Variants in ST6GALNAC5 observed in about 807,000 individuals in gnomAD.
ST6GALNAC5 encodes alpha-N-acetylgalactosaminide alpha-2,6-sialyltransferase 5.
A neutral mutation model predicts 33.6 loss-of-function variants in ST6GALNAC5; 27 were observed. The ratio of observed to expected loss-of-function variants is 0.80; its 90% CI spans 0.59 to 1.11. The LOEUF is 1.11. Among genes scored for constraint, ST6GALNAC5 ranks in the 50% least tolerant of loss-of-function variants. The pLI, the probability that ST6GALNAC5 is intolerant of heterozygous loss-of-function variation, is 0.00. For missense variants in ST6GALNAC5, 428 were observed against 454.0 expected (o/e 0.94, Z 0.52); for synonymous variants, 194 against 171.2 (o/e 1.13, Z -1.04).
Position 77,067,178 on chromosome 1 carries a change from C to A in ST6GALNAC5, c.*3972C>A, listed in dbSNP as rs1014599241. 6.6e-6 allele frequency among the ~76,000 whole-genome samples: 1 copy of A among 152,034 alleles called. No homozygotes were observed. Among genetic ancestry groups the A allele is most frequent in the African/African-American group, 2.4e-5 (1 of 41,380 alleles). ...AGCCCTGGGGGGCAGGATGTGTGAA[C>A]CAATTGCCTAGGTGTTAGCACATGC... is the stretch of plus-strand genomic sequence containing the variant. On this transcript the variant is annotated 3_prime_UTR_variant, in exon 5 of 5. Transcript: ENST00000477717.
At chr1:76,972,212 G>A (rs191329697) in intron 2 of ST6GALNAC5, among the ~76,000 whole-genome samples, 19 of 152,266 alleles carry the variant, frequency 1.2e-4, no homozygotes, top group East Asian at 1.2e-3. Context: ...AGAAGAGAGC[G>A]TGTGCAGGGG....
At chr1:76,874,433 T>C (rs964891202) in intron 2 of ST6GALNAC5, among the ~76,000 whole-genome samples, 3 of 152,170 alleles carry the variant, frequency 2.0e-5, no homozygotes, top group African/African-American at 7.2e-5. Context: ...TAGGATATTA[T>C]ATTATATATA....
At chr1:76,945,952 G>A (rs1318556458) in intron 2 of ST6GALNAC5, among the ~76,000 whole-genome samples, 2 of 152,108 alleles carry the variant, frequency 1.3e-5, no homozygotes, top group African/African-American at 4.8e-5. Flanking sequence ...ATGAGGCTAA[G>A]AGAAACCTTG....
At chr1:76,978,312 C>T (rs561331200) in intron 2 of ST6GALNAC5, among the ~76,000 whole-genome samples, 187 of 152,214 alleles carry the variant, frequency 1.2e-3, no homozygotes, top group Non-Finnish European at 2.2e-3. Context: ...TGTACAGAAG[C>T]TCTTTAGTTT....
intron 2 of ST6GALNAC5, among the ~76,000 whole-genome samples, chr1:76,928,231 G>A (rs927906790): frequency 3.3e-5 from 5 of 152,074 alleles, no homozygotes; most frequent in Non-Finnish European, 7.4e-5. Flanking sequence ...AGAACATAAA[G>A]GTCGACAGCT....
chr1:77,038,911 G>A (rs796851832), intron 2 of ST6GALNAC5, among the ~76,000 whole-genome samples: 7 of 152,320 alleles, frequency 4.6e-5, no homozygotes, highest in African/African-American at 1.7e-4. Flanking sequence ...GTGGGCAGGG[G>A]TGATGGAAGG....
At chr1:77,016,883 C>A (rs1318302179) in intron 2 of ST6GALNAC5, among the ~76,000 whole-genome samples, 3 of 152,098 alleles carry the variant, frequency 2.0e-5, no homozygotes, top group African/African-American at 7.2e-5. Context: ...AAGTAATGTA[C>A]TCCTAATTAT....
chr1:77,007,274 G>A (rs1158286111), intron 2 of ST6GALNAC5, among the ~76,000 whole-genome samples: 3 of 152,176 alleles, frequency 2.0e-5, no homozygotes, highest in African/African-American at 7.2e-5. Flanking sequence ...ATCTGTGAAT[G>A]GAGCATAATC....
In ST6GALNAC5 at chr1:77,044,458, C is replaced by T. The variant is rs1352937214; in HGVS notation, c.516C>T (p.Gly172=). ...AGGGCACCGTGTTCATCTTCTGGGG[C>T]CCCAGCAGCTACATGCGGCGGGACG... ...VSQGTVFIFW[G]PSSYMRRDGK... The change falls in exon 3 of 5, where the codon GGC becomes GGT. Residue 172 remains glycine (G), a synonymous_variant. Coordinates refer to ENST00000477717, the MANE Select transcript of ST6GALNAC5 (RefSeq NM_030965.3). The T allele has an allele frequency of 3.1e-6, 5 of 1,613,328 alleles. No homozygotes were observed. The highest frequency in any genetic ancestry group is 3.4e-6 in the Non-Finnish European group (4 of 1,179,644).
chr1:76,937,668 C>T (rs1331840082), intron 2 of ST6GALNAC5, among the ~76,000 whole-genome samples: 2 of 152,016 alleles, frequency 1.3e-5, no homozygotes, highest in African/African-American at 4.8e-5. Flanking sequence ...GATGTTAGGA[C>T]CGTGAGAAAA....
chr1:76,894,543 T>C (rs1319273097), intron 2 of ST6GALNAC5, among the ~76,000 whole-genome samples: 1 of 152,182 alleles, frequency 6.6e-6, no homozygotes, highest in South Asian at 2.1e-4. Flanking sequence ...CCTGAGGACT[T>C]GATAGGCACC....
chr1:77,063,005 T>A lies in ST6GALNAC5; in HGVS notation c.810T>A (p.His270Gln). 1 of 1,613,900 alleles carries A rather than the reference T, an allele frequency of 6.2e-7. No individual in the cohort carries two copies. Reference protein sequence around the residue: ...RDPNHPSVPYHYYEPFGPDEC... With the variant: ...RDPNHPSVPYQYYEPFGPDEC... Reference sequence around the variant, plus strand: ...CCAATCACCCTTCAGTACCTTATCATTATTATGAACCTTTTGGACCTGATG... The same window carrying A: ...CCAATCACCCTTCAGTACCTTATCAATATTATGAACCTTTTGGACCTGATG... The change falls in exon 5 of 5, where the codon CAT becomes CAA. Residue 270 changes from histidine (H) to glutamine (Q), a missense_variant. His to Gln is a conservative substitution (Grantham distance 24, BLOSUM62 0). Coordinates refer to ENST00000477717, the MANE Select transcript of ST6GALNAC5 (RefSeq NM_030965.3).
intron 2 of ST6GALNAC5, among the ~76,000 whole-genome samples, chr1:76,971,919 C>T (rs549039400): frequency 1.3e-5 from 2 of 152,258 alleles, no homozygotes; most frequent in East Asian, 1.9e-4. Context: ...CCTTTTCCTG[C>T]TTTAGACCTG....
At chr1:76,996,725 A>G (rs57968443) in intron 2 of ST6GALNAC5, among the ~76,000 whole-genome samples, 3,770 of 152,286 alleles carry the variant, frequency 0.025, 159 homozygotes, top group African/African-American at 0.087. Flanking sequence ...GGAGGCTGGC[A>G]TTGTCAGGGA....
chr1:76,911,766 A>G (rs562996740), intron 2 of ST6GALNAC5, among the ~76,000 whole-genome samples: 2 of 152,092 alleles, frequency 1.3e-5, no homozygotes, highest in South Asian at 4.2e-4. Context: ...GGTAGTTTGT[A>G]TTGCTGTGGG....
chr1:76,966,595 C>T (rs1327084021), intron 2 of ST6GALNAC5, among the ~76,000 whole-genome samples: 1 of 152,208 alleles, frequency 6.6e-6, no homozygotes, highest in Non-Finnish European at 1.5e-5. Context: ...TTATTTCTTT[C>T]TCTTGCCTGA....
rs188512991 is a variant in ST6GALNAC5 at position 77,026,979 on chromosome 1, T to C, written c.262-17225T>C. On this transcript the variant is annotated intron_variant, in intron 2 of 4. Transcript: ENST00000477717. ...TGGGTCATCAGCAGTCCAAGAATGT[T>C]TTCCCCAGTGTAGGTGCTCCCCCAG... Among the ~76,000 whole-genome samples, 839 of 152,280 alleles carry C rather than the reference T, an allele frequency of 5.5e-3. 6 individuals are homozygous for C. Among genetic ancestry groups the C allele is most frequent in the African/African-American group, 0.019 (806 of 41,540 alleles).
chr1:76,890,330 C>T lies in ST6GALNAC5; in HGVS notation c.261+21588C>T, dbSNP rs547905747. Among the ~76,000 whole-genome samples, 8 of 152,226 alleles carry T rather than the reference C, an allele frequency of 5.3e-5. No individual in the cohort carries two copies. In the East Asian group the frequency reaches 5.8e-4, roughly 11 times the overall value. On this transcript the variant is annotated intron_variant, in intron 2 of 4. Transcript: ENST00000477717. The stretch of plus-strand genomic sequence containing the variant: ...GACAAAACAGACAAGTTTTCTTTTA[C>T]GTTCCCTATGCTTGCTGGATTTTCT...
chr1:76,910,775 A>G (rs1252569125), intron 2 of ST6GALNAC5, among the ~76,000 whole-genome samples: 1 of 152,140 alleles, frequency 6.6e-6, no homozygotes, highest in East Asian at 1.9e-4. Flanking sequence ...AGACAAAGAC[A>G]CAGACAGTGG....
Sources: gnomAD v4.1 joint callset for allele counts (sites outside exome capture counted in the v4.1 genomes callset) on GRCh38, gnomAD v4.1.1 for gene constraint, MANE v1.5 for transcripts, NCBI Gene and HGNC (gene_info 2026-07-23, HGNC 2026-07-21) for gene names.